CRB1: variants seen among roughly 807,000 people sequenced by gnomAD.
CRB1 encodes protein crumbs homolog 1.
A neutral mutation model predicts 120.0 loss-of-function variants in CRB1; 83 were observed. That is an observed-to-expected ratio of 0.69 (90% CI 0.58 to 0.83). The LOEUF is 0.83. Among genes scored for constraint, CRB1 ranks in the 40% least tolerant of loss-of-function variants. CRB1 has a pLI of 0.00. For synonymous variants in CRB1, 625 were observed against 612.5 expected, an observed-to-expected ratio of 1.02 and a Z score of -0.30; for missense variants, 1,699 against 1,687.6, an observed-to-expected ratio of 1.01 and a Z score of -0.12.
chr1:197,448,368 G>A, intron 11 of CRB1, among the ~76,000 whole-genome samples: 1 of 152,134 alleles, frequency 6.6e-6, no homozygotes, highest in Non-Finnish European at 1.5e-5. Context: ...AGGATGCCAG[G>A]AGTTCCACTG....
Position 197,402,125 on chromosome 1 carries a change from G to A in CRB1, c.1172-18875G>A, listed in dbSNP as rs111615447. On this transcript the variant is annotated intron_variant, in intron 5 of 11. Coordinates refer to ENST00000367400, the MANE Select transcript of CRB1 (RefSeq NM_201253.3). ...TAAACTCGTGTCACAGGAGTTTGTC[G>A]CACAGATTATTTTGTCATGCAGGTG... Among the ~76,000 whole-genome samples the A allele has an allele frequency of 3.8e-3, 584 of 152,092 alleles. 3 individuals are homozygous for A. The highest frequency in any genetic ancestry group is 0.014 in the Middle Eastern group (4 of 294).
At chr1:197,268,210 G>C (rs1347982259), upstream of CRB1, 2 of 544,916 alleles carry the variant, frequency 3.7e-6, no homozygotes, top group East Asian at 3.2e-5. Context: ...CCATCCTCCC[G>C]TGTAAGTGAT....
intron 1 of CRB1, among the ~76,000 whole-genome samples, chr1:197,295,316 G>T (rs1656457009): frequency 6.6e-6 from 1 of 151,954 alleles, no homozygotes; most frequent in African/African-American, 2.4e-5. Flanking sequence ...GAGTCCTAAG[G>T]ATCAAAGCTG....
At chr1:197,259,504 A>G in the CRB1 span, among the ~76,000 whole-genome samples, 14 of 152,168 alleles carry the variant, frequency 9.2e-5, no homozygotes, top group African/African-American at 3.1e-4. Flanking sequence ...CATGGAGGGA[A>G]ACAACATACA....
intron 2 of CRB1, among the ~76,000 whole-genome samples, chr1:197,336,856 T>C (rs1659184968): frequency 6.6e-6 from 1 of 152,102 alleles, no homozygotes; most frequent in Admixed American, 6.5e-5. Context: ...AGTCAGGAAA[T>C]GTTCCTAGGA....
chr1:197,205,180 C>G, the CRB1 span, among the ~76,000 whole-genome samples: 1 of 152,058 alleles, frequency 6.6e-6, no homozygotes, highest in African/African-American at 2.4e-5. Context: ...GTAGGGTTTT[C>G]TAGGTATCAT....
At chr1:197,427,056 T>A (rs1402076518) in intron 6 of CRB1, among the ~76,000 whole-genome samples, 2 of 152,196 alleles carry the variant, frequency 1.3e-5, no homozygotes, top group Non-Finnish European at 2.9e-5. Context: ...TTGCATGAAG[T>A]GCCCTTGTCC....
At chr1:197,387,241 T>C (rs1180937151) in intron 5 of CRB1, among the ~76,000 whole-genome samples, 1 of 152,118 alleles carries the variant, frequency 6.6e-6, no homozygotes, top group East Asian at 1.9e-4. Context: ...ATATAATCTT[T>C]AAAGCACAAA....
intron 9 of CRB1, among the ~76,000 whole-genome samples, chr1:197,437,460 A>G (rs1443113453): frequency 4.6e-5 from 7 of 152,070 alleles, no homozygotes; most frequent in Non-Finnish European, 2.9e-5. Flanking sequence ...CTTCTCCAGA[A>G]TTTTTTTCTG....
chr1:197,320,552 G>A (rs1283366647), intron 1 of CRB1, among the ~76,000 whole-genome samples: 1 of 152,196 alleles, frequency 6.6e-6, no homozygotes, highest in Non-Finnish European at 1.5e-5. Flanking sequence ...GGGAATTTAT[G>A]ACAGGAATGT....
chr1:197,271,281 T>C (rs141185404), intron 1 of CRB1, among the ~76,000 whole-genome samples: 1 of 152,316 alleles, frequency 6.6e-6, no homozygotes, highest in East Asian at 1.9e-4. Context: ...TTCTTCGAAC[T>C]TTGAAATATG....
At position 197,427,885 on chromosome 1, in the gene CRB1, G is replaced by A; in HGVS notation, c.2560G>A (p.Asp854Asn). 6.2e-7 allele frequency: 1 copy of A among 1,613,994 alleles called. No homozygotes were observed. Among genetic ancestry groups the A allele is most frequent in the Non-Finnish European group, 8.5e-7 (1 of 1,179,964 alleles). The change falls in exon 7 of 12, where the codon GAT (aspartate) becomes AAT (asparagine). Residue 854 changes from aspartate (D) to asparagine (N), a missense_variant. By Grantham distance (23) the Asp-to-Asn change is conservative (BLOSUM62 1). Transcript: ENST00000367400. ...TGGATTCTTCAAAGGCTGTATCCAAGATGTAAGACTAAACAACCAAAATCT... is the reference window on the plus strand; with the variant it reads ...TGGATTCTTCAAAGGCTGTATCCAAAATGTAAGACTAAACAACCAAAATCT... ...NGGFFKGCIQ[D>N]VRLNNQNLEF...
intron 5 of CRB1, among the ~76,000 whole-genome samples, chr1:197,364,665 C>T (rs1660965933): frequency 6.6e-6 from 1 of 151,712 alleles, no homozygotes; most frequent in African/African-American, 2.4e-5. Flanking sequence ...TTTTGTCTCC[C>T]ATCTAGTATT....
In CRB1 at chr1:197,294,318, T is replaced by C. The variant is rs574616030; in HGVS notation, c.70+25836T>C. ...GCCAACAGACACACGAAAAAAAATA[T>C]TCATCATCACTGGCCATCAGAGAAA... On this transcript the variant is annotated intron_variant, in intron 1 of 11. Coordinates refer to ENST00000367400, the MANE Select transcript of CRB1 (RefSeq NM_201253.3). Among the ~76,000 whole-genome samples the C allele has an allele frequency of 3.2e-4, 49 of 152,056 alleles. No homozygotes were observed. In the South Asian group the frequency reaches 6.9e-3, roughly 21 times the overall value.
At chr1:197,301,462 G>A (rs758352367) in intron 1 of CRB1, among the ~76,000 whole-genome samples, 2 of 151,978 alleles carry the variant, frequency 1.3e-5, no homozygotes, top group Non-Finnish European at 2.9e-5. Context: ...TACCACACCC[G>A]GCTTCAAGTC....
intron 11 of CRB1, among the ~76,000 whole-genome samples, chr1:197,466,981 A>G (rs1184358271): frequency 6.6e-6 from 1 of 152,206 alleles, no homozygotes; most frequent in Admixed American, 6.5e-5. Context: ...CTAACATGTG[A>G]TGTGATCCAT....
chr1:197,464,931 G>A (rs1354699132), intron 11 of CRB1, among the ~76,000 whole-genome samples: 1 of 152,164 alleles, frequency 6.6e-6, no homozygotes, highest in Non-Finnish European at 1.5e-5. Flanking sequence ...AAGGAGAAGA[G>A]AACTTGTCAT....
At chr1:197,319,676 T>C (rs971631683) in intron 1 of CRB1, among the ~76,000 whole-genome samples, 2 of 152,146 alleles carry the variant, frequency 1.3e-5, no homozygotes, top group African/African-American at 4.8e-5. Context: ...TCTTTTTTTT[T>C]CTCACCCATT....
chr1:197,378,994 A>T (rs1023112651), intron 5 of CRB1, among the ~76,000 whole-genome samples: 32 of 152,344 alleles, frequency 2.1e-4, no homozygotes, highest in African/African-American at 7.7e-4. Flanking sequence ...AATTCAGTTC[A>T]ATCATCAAAA....
Sources: allele counts gnomAD v4.1 joint callset (sites outside exome capture counted in the v4.1 genomes callset), GRCh38; gene constraint gnomAD v4.1.1; transcripts MANE v1.5; gene names NCBI Gene and HGNC (gene_info 2026-07-23, HGNC 2026-07-21).